Variants in MYO9A observed in about 807,000 individuals in gnomAD.
MYO9A encodes unconventional myosin-IXa.
A neutral mutation model predicts 293.3 loss-of-function variants in MYO9A; 103 were observed. The observed-to-expected ratio is 0.35, with a 90% CI of 0.30 to 0.41. MYO9A has a LOEUF of 0.41. Among genes scored for constraint, MYO9A ranks in the 10% least tolerant of loss-of-function variants. The pLI is 1.00. For missense variants in MYO9A, 2,685 were observed against 3,033.0 expected, an observed-to-expected ratio of 0.89 and a Z score of 2.69; for synonymous variants, 1,001 against 1,035.7, an observed-to-expected ratio of 0.97 and a Z score of 0.64.
intron 11 of MYO9A, among the ~76,000 whole-genome samples, chr15:71,982,263 G>A (rs1205184502): frequency 2.0e-5 from 3 of 151,764 alleles, no homozygotes; most frequent in African/African-American, 7.3e-5. Flanking sequence ...CTCGTGATCT[G>A]CCCACCTCAG....
intron 11 of MYO9A, among the ~76,000 whole-genome samples, chr15:71,987,415 A>G (rs754017887): frequency 6.6e-6 from 1 of 152,212 alleles, no homozygotes; most frequent in Non-Finnish European, 1.5e-5. Context: ...TGCATGACAT[A>G]TAAGTCCACT....
At chr15:72,013,110 G>A (rs2077222813) in intron 6 of MYO9A, among the ~76,000 whole-genome samples, 1 of 152,186 alleles carries the variant, frequency 6.6e-6, no homozygotes, top group African/African-American at 2.4e-5. Flanking sequence ...CAGACCAAGA[G>A]TCAAATACAA....
intron 26 of MYO9A, chr15:71,890,114 C>T (rs1013517196): frequency 2.0e-5 from 3 of 152,198 alleles, no homozygotes; most frequent in Non-Finnish European, 4.4e-5. Flanking sequence ...AGTGGGTTTT[C>T]TCTTACTGTA....
chr15:72,056,267 T>C (rs145851687), intron 1 of MYO9A, among the ~76,000 whole-genome samples: 3 of 152,138 alleles, frequency 2.0e-5, no homozygotes, highest in Non-Finnish European at 2.9e-5. Flanking sequence ...AAGTCATTTA[T>C]ACAAAAAAAG....
chr15:72,046,185 C>G lies in MYO9A; in HGVS notation c.379G>C (p.Val127Leu). Residue 127 changes from valine to leucine, a missense_variant, in exon 2 of 42, where the codon GTA becomes CTA. Coordinates refer to ENST00000356056, the MANE Select transcript of MYO9A (RefSeq NM_006901.4). ...HYGSLQSWLR[V>L]TEERRRMMER... Reference sequence around the variant, plus strand: ...ATCATCCTGCGACGTTCTTCTGTTACCCGTAGCCATGACTGCAGGCTACCA... The same window carrying G: ...ATCATCCTGCGACGTTCTTCTGTTAGCCGTAGCCATGACTGCAGGCTACCA... The G allele has an allele frequency of 6.2e-7, 1 of 1,614,120 alleles. No individual in the cohort carries two copies. Among genetic ancestry groups the G allele is most frequent in the Non-Finnish European group, 8.5e-7 (1 of 1,180,012 alleles).
At chr15:71,840,356 G>A (rs2055103109) in intron 39 of MYO9A, among the ~76,000 whole-genome samples, 1 of 152,118 alleles carries the variant, frequency 6.6e-6, no homozygotes, top group Admixed American at 6.5e-5. Flanking sequence ...GTGGACTGCT[G>A]CAAGGGCTCC....
At chr15:72,000,978 C>CA (rs2076847775) in intron 8 of MYO9A, among the ~76,000 whole-genome samples, 1 of 152,244 alleles carries the variant, frequency 6.6e-6, no homozygotes, top group African/African-American at 2.4e-5. Context: ...CTGTGAAGAA[C>CA]AAACCTAAAA....
At chr15:71,975,760 A>C (rs2076129402) in intron 12 of MYO9A, among the ~76,000 whole-genome samples, 1 of 152,172 alleles carries the variant, frequency 6.6e-6, no homozygotes, top group Non-Finnish European at 1.5e-5. Context: ...TTTCTCACTC[A>C]GTCTATTAGT....
chr15:72,106,768 A>G (rs1320152423), intron 1 of MYO9A, among the ~76,000 whole-genome samples: 1 of 152,160 alleles, frequency 6.6e-6, no homozygotes, highest in African/African-American at 2.4e-5. Context: ...ACCCAGCCAA[A>G]TTAAGTCTAA....
intron 18 of MYO9A, among the ~76,000 whole-genome samples, chr15:71,922,203 T>A (rs1256203072): frequency 6.6e-6 from 1 of 152,214 alleles, no homozygotes; most frequent in Non-Finnish European, 1.5e-5. Context: ...GGTCTCGAAC[T>A]CCTGAGCTCA....
At chr15:72,096,485 A>C (rs2080069053) in intron 1 of MYO9A, among the ~76,000 whole-genome samples, 1 of 152,224 alleles carries the variant, frequency 6.6e-6, no homozygotes, top group Non-Finnish European at 1.5e-5. Context: ...CAGAAAAATA[A>C]GATTCCTTCA....
chr15:71,830,271 G>A lies in MYO9A; in HGVS notation c.6878C>T (p.Ser2293Leu), dbSNP rs563482113. ...RIRRGNYPGP[S>L]SPVVVRLPSV... ...AGGCAACCGAACTACAACAGGAGAC[G>A]ATGGACCTGGATAGTTTCCTCGACG... Residue 2293 changes from serine (S) to leucine (L), a missense_variant, in exon 40 of 42, where the codon TCG (serine) becomes TTG (leucine). This residue lies in a region of MYO9A where 350 missense variants were observed against 328.9 expected (regional missense o/e 1.06). Coordinates refer to ENST00000356056, the MANE Select transcript of MYO9A (RefSeq NM_006901.4). 5 of 1,613,798 alleles carry A rather than the reference G, an allele frequency of 3.1e-6. No individual in the cohort carries two copies. The highest frequency in any genetic ancestry group is 3.3e-5 in the Admixed American group (2 of 59,896).
intron 31 of MYO9A, 44 bp downstream of exon 31, chr15:71,877,996 T>G: frequency 6.7e-7 from 1 of 1,482,286 alleles, no homozygotes; most frequent in African/African-American, 1.4e-5. Context: ...TTAAAAAGAA[T>G]TCATAATTAA....
chr15:71,842,406 T>C (rs989572059), intron 39 of MYO9A, among the ~76,000 whole-genome samples: 1 of 151,846 alleles, frequency 6.6e-6, no homozygotes, highest in African/African-American at 2.4e-5. Context: ...AATTAACTCA[T>C]TTAATCCTAA....
chr15:71,941,575 A>G (rs1400037111), intron 15 of MYO9A, among the ~76,000 whole-genome samples: 1 of 152,226 alleles, frequency 6.6e-6, no homozygotes, highest in Non-Finnish European at 1.5e-5. Context: ...GGAGTTTCAG[A>G]AGGAAAAAAG....
At chr15:71,941,649 C>T (rs2058778135) in intron 15 of MYO9A, among the ~76,000 whole-genome samples, 1 of 151,748 alleles carries the variant, frequency 6.6e-6, no homozygotes, top group African/African-American at 2.4e-5. Context: ...TGATGAAAAA[C>T]AATGAAAGTC....
intron 34 of MYO9A, among the ~76,000 whole-genome samples, chr15:71,858,379 T>C (rs1386613286): frequency 6.6e-6 from 1 of 152,052 alleles, no homozygotes; most frequent in Non-Finnish European, 1.5e-5. Context: ...AATGATAGAC[T>C]GGATTAAGAA....
At position 71,966,265 on chromosome 15, in the gene MYO9A, AGTGTGTGT is replaced by A. The variant is rs377708464; in HGVS notation, c.1986+1711_1986+1718del. Among the ~76,000 whole-genome samples, 216 of 134,952 alleles carry A rather than the reference AGTGTGTGT, an allele frequency of 1.6e-3. 1 individual carries two copies. The highest frequency in any genetic ancestry group is 3.2e-3 in the South Asian group (12 of 3,808). The allele number at this position is 134,952 out of a possible 152,430, so 88.5% of individuals were successfully genotyped here. On this transcript the variant is annotated intron_variant, in intron 13 of 41. Transcript: ENST00000356056. The stretch of plus-strand genomic sequence containing the variant: ...ATAACGCAGATGAATATCCCAGGCA[AGTGTGTGT>A]GTGTGTGTGTGTGTGTGTGTGTGTG...
At chr15:72,100,776 C>A (rs561620959) in intron 1 of MYO9A, among the ~76,000 whole-genome samples, 2 of 151,216 alleles carry the variant, frequency 1.3e-5, no homozygotes, top group Admixed American at 1.3e-4. Context: ...GCTGCCCCGT[C>A]TGAGAAATGA....
Sources: allele counts gnomAD v4.1 joint callset (sites outside exome capture counted in the v4.1 genomes callset), GRCh38; gene constraint gnomAD v4.1.1; regional missense constraint gnomAD v4.1.1; transcripts MANE v1.5; gene names NCBI Gene and HGNC (gene_info 2026-07-23, HGNC 2026-07-21).